GLYATL2: variants seen among roughly 807,000 people sequenced by gnomAD.
GLYATL2 encodes glycine N-acyltransferase-like protein 2.
Under a neutral mutation model 21.4 loss-of-function variants are expected in GLYATL2, and 25 were observed. The ratio of observed to expected loss-of-function variants is 1.17; its 90% CI spans 0.85 to 1.63. The LOEUF is 1.63. Among genes scored for constraint, GLYATL2 ranks in the 40% most tolerant of loss-of-function variants. The pLI, the probability that GLYATL2 is intolerant of heterozygous loss-of-function variation, is 0.00. For missense variants in GLYATL2, 361 were observed against 343.3 expected (o/e 1.05, Z -0.41); for synonymous variants, 114 against 118.2 (o/e 0.96, Z 0.23).
At chr11:58,845,972 A>G (rs765892448), upstream of GLYATL2, among the ~76,000 whole-genome samples, 5 of 151,916 alleles carry the variant, frequency 3.3e-5, no homozygotes, top group Non-Finnish European at 7.4e-5. Flanking sequence ...TAGTTACTCT[A>G]CTTTTTGAAC....
rs1010727336 is a variant in GLYATL2, at chr11:58,867,580, C to T, written n.61-29212G>A. On this transcript the variant is annotated intron_variant and non_coding_transcript_variant, in intron 1 of 4. Transcript: ENST00000533636. ...GAGACCTAGAATCAGAGGTCCCTCA[C>T]ACAGCCTGAAAAGCCTAAAGCTGAT... Among the ~76,000 whole-genome samples, 3 of 148,810 alleles carry T rather than the reference C, an allele frequency of 2.0e-5. 1 individual carries two copies. The highest frequency in any genetic ancestry group is 4.5e-5 in the Non-Finnish European group (3 of 67,110).
intron 1 of GLYATL2, among the ~76,000 whole-genome samples, chr11:58,856,050 G>A (rs1220695114): frequency 1.3e-5 from 2 of 152,080 alleles, no homozygotes. Flanking sequence ...AGAATCGCTT[G>A]AGCCCAGGAG....
intron 1 of GLYATL2, among the ~76,000 whole-genome samples, chr11:58,903,793 C>T (rs571588462): frequency 2.2e-4 from 33 of 152,218 alleles, no homozygotes; most frequent in Non-Finnish European, 4.4e-4. Flanking sequence ...ATGCTCTTCT[C>T]TCCCAAGTTC....
At chr11:58,864,210 A>T (rs1853983916) in intron 1 of GLYATL2, among the ~76,000 whole-genome samples, 1 of 152,082 alleles carries the variant, frequency 6.6e-6, no homozygotes, top group Admixed American at 6.5e-5. Flanking sequence ...CTGGTGACTA[A>T]AGTTGCAGGG....
chr11:58,899,336 G>A (rs750745886), intron 1 of GLYATL2, among the ~76,000 whole-genome samples: 11 of 152,074 alleles, frequency 7.2e-5, no homozygotes, highest in Non-Finnish European at 1.6e-4. Flanking sequence ...AGTCAGTGTG[G>A]GGTGTTAAGA....
At chr11:58,865,434 A>G (rs1428210274) in intron 1 of GLYATL2, among the ~76,000 whole-genome samples, 1 of 149,164 alleles carries the variant, frequency 6.7e-6, no homozygotes, top group Non-Finnish European at 1.5e-5. Context: ...TATTTGTGTA[A>G]ACTAATTCAA....
chr11:58,869,511 T>C (rs181549687), intron 1 of GLYATL2, among the ~76,000 whole-genome samples: 1 of 152,324 alleles, frequency 6.6e-6, no homozygotes, highest in Admixed American at 6.5e-5. Context: ...AGTTCAGCCA[T>C]GTGAACATGT....
chr11:58,882,487 C>G (rs1413830732), intron 1 of GLYATL2, among the ~76,000 whole-genome samples: 10 of 152,078 alleles, frequency 6.6e-5, no homozygotes, highest in Non-Finnish European at 1.5e-5. Context: ...TATTAGCCCT[C>G]TGTCAGATGG....
chr11:58,873,839 TG>T (rs1178137327), intron 1 of GLYATL2, among the ~76,000 whole-genome samples: 15 of 152,330 alleles, frequency 9.8e-5, no homozygotes, highest in African/African-American at 3.6e-4. Context: ...TTTTATTGAT[TG>T]GAATAATTTC....
rs551027819 is a variant in GLYATL2, at chr11:58,836,907, G to T, written c.476+108C>A. ...ACTCCCTTTCTTTACCCATGCAATT[G>T]TGTAGCCCATCATAATTTAGTCTCA... On this transcript the variant is annotated intron_variant, in intron 5 of 5. Transcript: ENST00000287275. 89 of 941,854 alleles carry T rather than the reference G, an allele frequency of 9.4e-5. No individual in the cohort carries two copies. In the African/African-American group the frequency reaches 1.2e-3, roughly 12 times the overall value. The allele number at this position is 941,854 out of a possible 1,614,324, so 58.3% of individuals were successfully genotyped here. A position where few individuals can be genotyped will look rare whatever the true frequency, so the allele number is the denominator to read the frequency against.
chr11:58,894,872 G>A (rs959186172), intron 1 of GLYATL2, among the ~76,000 whole-genome samples: 1 of 152,196 alleles, frequency 6.6e-6, no homozygotes, highest in Non-Finnish European at 1.5e-5. Context: ...AATTTCAAAG[G>A]GTGGAAAATT....
At chr11:58,838,775 A>G (rs1424116627) in intron 2 of GLYATL2, among the ~76,000 whole-genome samples, 1 of 152,122 alleles carries the variant, frequency 6.6e-6, no homozygotes, top group Non-Finnish European at 1.5e-5. Flanking sequence ...GTTTAGAAGG[A>G]TAGAGAGTAC....
chr11:58,886,245 G>A lies in GLYATL2; in HGVS notation n.60+17911C>T, dbSNP rs75382030. 6.9e-3 allele frequency among the ~76,000 whole-genome samples: 1,055 copies of A among 152,232 alleles called. 9 individuals are homozygous for A. Among genetic ancestry groups the A allele is most frequent in the Non-Finnish European group, 9.1e-3 (616 of 68,012 alleles). On this transcript the variant is annotated intron_variant and non_coding_transcript_variant, in intron 1 of 4. Coordinates refer to the GLYATL2 transcript ENST00000533636. The stretch of plus-strand genomic sequence containing the variant: ...AAAAAATGTTATTTCTCAGGAATCA[G>A]GGAAGGGACTCAACGACTCATAATT...
chr11:58,834,627 GAC>G lies in GLYATL2; in HGVS notation c.685_686del (p.Val229ProfsTer17). The G allele has an allele frequency of 6.2e-7, 1 of 1,613,424 alleles. No homozygotes were observed. Among genetic ancestry groups the G allele is most frequent in the Non-Finnish European group, 8.5e-7 (1 of 1,179,782 alleles). On this transcript the variant is annotated frameshift_variant, in exon 6 of 6. Coordinates refer to ENST00000287275, the MANE Select transcript of GLYATL2 (RefSeq NM_145016.4). LOFTEE classifies it low-confidence loss of function (END_TRUNC). ...TGTTGCCTTGGTGTCTGTATTTGGG[GAC>G]AGTATAACCCATTCTCAACTCACAG... is the stretch of plus-strand genomic sequence containing the variant. ...QSCELRMGYT[V>X]PKYRHQGNML...
At chr11:58,845,183 A>G (rs1382999642), upstream of GLYATL2, among the ~76,000 whole-genome samples, 1 of 152,212 alleles carries the variant, frequency 6.6e-6, no homozygotes, top group African/African-American at 2.4e-5. Context: ...ACTTTTCCAG[A>G]TCAGGTAAAT....
intron 1 of GLYATL2, among the ~76,000 whole-genome samples, chr11:58,862,100 G>A (rs1393935339): frequency 6.6e-6 from 1 of 151,976 alleles, no homozygotes; most frequent in Admixed American, 6.5e-5. Flanking sequence ...ATTTTTGGTT[G>A]ACACTGTTTT....
upstream of GLYATL2, among the ~76,000 whole-genome samples, chr11:58,905,152 C>A (rs568117650): frequency 6.6e-5 from 10 of 152,246 alleles, no homozygotes; most frequent in African/African-American, 2.4e-4. Context: ...AAGTTCCGCA[C>A]CCAGTAATGC....
chr11:58,879,578 A>T (rs1854295433), intron 1 of GLYATL2, among the ~76,000 whole-genome samples: 1 of 152,228 alleles, frequency 6.6e-6, no homozygotes, highest in Admixed American at 6.5e-5. Flanking sequence ...ACCCAGACCC[A>T]AAAGTATAAA....
chr11:58,834,448 G>A lies in GLYATL2; in HGVS notation c.866C>T (p.Thr289Ile), dbSNP rs541733921. The change falls in exon 6 of 6, where the codon ACC becomes ATC. Residue 289 changes from threonine to isoleucine, a missense_variant. Thr to Ile is a moderately conservative substitution (Grantham distance 89). Coordinates refer to ENST00000287275, the MANE Select transcript of GLYATL2 (RefSeq NM_145016.4). ...CPCGWHQWKC[T>I]PKKYC ...AATCAATCAACAATATTTCTTGGGG[G>A]TGCATTTCCACTGATGCCAGCCACA... 5.6e-5 allele frequency: 89 copies of A among 1,594,224 alleles called. No individual in the cohort carries two copies. In the South Asian group the frequency reaches 9.2e-4, roughly 17 times the overall value.
Sources: gnomAD v4.1 joint callset for allele counts (sites outside exome capture counted in the v4.1 genomes callset) on GRCh38, gnomAD v4.1.1 for gene constraint, MANE v1.5 for transcripts, NCBI Gene and HGNC (gene_info 2026-07-23, HGNC 2026-07-21) for gene names.